COG7: variants seen among roughly 807,000 people sequenced by gnomAD.
COG7 encodes conserved oligomeric Golgi complex subunit 7.
COG7 carries 49 observed loss-of-function variants against 91.5 expected under a neutral mutation model. The ratio of observed to expected loss-of-function variants is 0.54; its 90% CI spans 0.43 to 0.68. COG7 has a LOEUF of 0.68. Among genes scored for constraint, COG7 ranks in the 30% least tolerant of loss-of-function variants. The pLI, the probability that COG7 is intolerant of heterozygous loss-of-function variation, is 0.00. For missense variants in COG7, 895 were observed against 961.3 expected (o/e 0.93, Z 0.91); for synonymous variants, 365 against 388.7 (o/e 0.94, Z 0.72).
At chr16:23,438,642 GA>G (rs1245065592) in intron 4 of COG7, among the ~76,000 whole-genome samples, 3 of 151,536 alleles carry the variant, frequency 2.0e-5, no homozygotes, top group Non-Finnish European at 4.4e-5. Context: ...ATAAGCAAAT[GA>G]AAATACACTC....
intron 11 of COG7, among the ~76,000 whole-genome samples, chr16:23,408,137 G>A (rs1194257222): frequency 5.6e-4 from 12 of 21,298 alleles, no homozygotes; most frequent in Non-Finnish European, 9.0e-4. Flanking sequence ...GAGTGGGGCG[G>A]GAGGCAGGGG....
chr16:23,446,104 T>G, intron 1 of COG7, 143 bp from the exon 2 acceptor site: 1 of 978,480 alleles, frequency 1.0e-6, no homozygotes, highest in Non-Finnish European at 1.5e-6. Context: ...TTTTGGAGCC[T>G]GCAGAAAATA....
At chr16:23,414,311 G>C (rs1596926966) in intron 9 of COG7, 1 of 152,246 alleles carries the variant, frequency 6.6e-6, no homozygotes, top group African/African-American at 2.4e-5. Context: ...CTGGGCAACA[G>C]AGTGAGATCC....
At chr16:23,424,643 T>C in intron 7 of COG7, 106 bp downstream of exon 7, 2 of 1,199,988 alleles carry the variant, frequency 1.7e-6, no homozygotes, top group Non-Finnish European at 2.5e-6. Flanking sequence ...ATCCCTTCCA[T>C]TTCTGTAAAA....
rs1964235528 is a variant in COG7 at position 23,449,612 on chromosome 16, ATG to A, written c.169+3212_169+3213del. On this transcript the variant is annotated intron_variant, in intron 1 of 16. Transcript: ENST00000307149. ...CAAAATTAGCCAGGCATGGTGGCGC[ATG>A]CCTATACACCCAGCTACTCGGGAGG... Among the ~76,000 whole-genome samples the A allele has an allele frequency of 2.7e-5, 4 of 148,796 alleles. No homozygotes were observed. The South Asian group carries it at 6.4e-4, about 24-fold the overall frequency.
At chr16:23,452,627 A>G in intron 1 of COG7, 199 bp downstream of exon 1, 1 of 1,279,050 alleles carries the variant, frequency 7.8e-7, no homozygotes, top group Admixed American at 3.1e-5. Flanking sequence ...AACACCCAAA[A>G]TTAGCAAGTG....
chr16:23,442,614 C>T lies in COG7; in HGVS notation c.467G>A (p.Gly156Asp). ...AAGCATCATTAAGCTGTTCTGCATA[C>T]CTGTTAGCTTGGCAGAAATCACAGC... ...DIAVISAKLT[G>D]MQNSLMMLVD... is the part of the protein sequence containing the mutation. Residue 156 changes from glycine to aspartate, a missense_variant, in exon 4 of 17, where the codon GGT becomes GAT. Transcript: ENST00000307149. The T allele has an allele frequency of 1.2e-6, 2 of 1,614,034 alleles. No individual in the cohort carries two copies. The highest frequency in any genetic ancestry group is 1.7e-6 in the Non-Finnish European group (2 of 1,179,902).
chr16:23,418,441 G>A (rs1429749167), intron 8 of COG7, among the ~76,000 whole-genome samples: 2 of 152,150 alleles, frequency 1.3e-5, no homozygotes, highest in East Asian at 3.9e-4. Context: ...GGAGATCAAG[G>A]CTGCAGTGAG....
intron 15 of COG7, among the ~76,000 whole-genome samples, 169 bp from the exon 16 acceptor site, chr16:23,392,692 G>A (rs1212336701): frequency 2.6e-5 from 4 of 152,142 alleles, no homozygotes; most frequent in Non-Finnish European, 4.4e-5. Flanking sequence ...CACTTTAGGA[G>A]GATGAGGCAG....
chr16:23,416,849 G>A (rs918026874), intron 9 of COG7, 118 bp downstream of exon 9: 8 of 1,140,006 alleles, frequency 7.0e-6, no homozygotes, highest in African/African-American at 3.1e-5. Flanking sequence ...ACATCCTCTT[G>A]GGTTCAGGTG....
At position 23,416,932 on chromosome 16, in the gene COG7, T is replaced by C. The variant is rs1596929557; in HGVS notation, c.1292+35A>G. 2.5e-6 allele frequency: 4 copies of C among 1,614,006 alleles called. No homozygotes were observed. In the East Asian group the frequency reaches 6.7e-5, roughly 27 times the overall value. On this transcript the variant is annotated intron_variant, in intron 9 of 16. Coordinates refer to ENST00000307149, the MANE Select transcript of COG7 (RefSeq NM_153603.4). ...TTATCTGGGACAGACACTGCTCCAA[T>C]GTGGCCCGTCTGGTCCCCAGTTCCC...
intron 4 of COG7, among the ~76,000 whole-genome samples, chr16:23,440,765 A>G (rs1307820188): frequency 1.3e-5 from 2 of 152,090 alleles, no homozygotes; most frequent in African/African-American, 4.8e-5. Flanking sequence ...CCGAGAACAG[A>G]TACTTTATTT....
In COG7 at chr16:23,395,974, G is replaced by C. The variant is rs112040787; in HGVS notation, c.1887+2072C>G. 9.7e-3 allele frequency among the ~76,000 whole-genome samples: 1,483 copies of C among 152,338 alleles called. 26 individuals carry two copies. Among genetic ancestry groups the C allele is most frequent in the African/African-American group, 0.033 (1,390 of 41,580 alleles). On this transcript the variant is annotated intron_variant, in intron 14 of 16. Transcript: ENST00000307149. ...ACTTCAAAAGGTTGTGGTGAGGGTA[G>C]AATTAATACGTGTGCTATGCACGTA...
In COG7 at chr16:23,442,575, T is replaced by G; in HGVS notation, c.506A>C (p.Asp169Ala). 6.2e-7 allele frequency: 1 copy of G among 1,614,086 alleles called. No individual in the cohort carries two copies. Among genetic ancestry groups the G allele is most frequent in the South Asian group, 1.1e-5 (1 of 91,078 alleles). Reference sequence around the variant, plus strand: ...CAAGTGCACACACTTTTCTGAGTAGTCTGGTGTATCAACAAGCATCATTAA... The same window carrying G: ...CAAGTGCACACACTTTTCTGAGTAGGCTGGTGTATCAACAAGCATCATTAA... Reference protein sequence around the residue: ...NSLMMLVDTPDYSEKCVHLEA... With the variant: ...NSLMMLVDTPAYSEKCVHLEA... The change falls in exon 4 of 17, where the codon GAC becomes GCC. Residue 169 changes from aspartate to alanine, a missense_variant. Physicochemically the swap from Asp to Ala is moderately radical, Grantham distance 126. Coordinates refer to ENST00000307149, the MANE Select transcript of COG7 (RefSeq NM_153603.4).
intron 1 of COG7, among the ~76,000 whole-genome samples, chr16:23,449,608 G>A (rs1479068661): frequency 1.3e-5 from 2 of 151,022 alleles, no homozygotes; most frequent in Non-Finnish European, 2.9e-5. Context: ...AGGCATGGTG[G>A]CGCATGCCTA....
intron 14 of COG7, among the ~76,000 whole-genome samples, chr16:23,396,629 A>G (rs962933894): frequency 6.6e-6 from 1 of 152,138 alleles, no homozygotes; most frequent in Non-Finnish European, 1.5e-5. Flanking sequence ...CAGTGGGCCA[A>G]GATCGCGCCA....
chr16:23,432,649 G>C (rs147643717), intron 6 of COG7, among the ~76,000 whole-genome samples: 1 of 152,118 alleles, frequency 6.6e-6, no homozygotes, highest in Non-Finnish European at 1.5e-5. Context: ...AGAGAACAAC[G>C]GTTTAAAACC....
intron 6 of COG7, among the ~76,000 whole-genome samples, chr16:23,425,467 T>C (rs1963831270): frequency 1.3e-5 from 2 of 152,068 alleles, no homozygotes; most frequent in African/African-American, 4.8e-5. Context: ...AAGTAGCTGA[T>C]ACTACAGGAA....
chr16:23,398,203 C>T (rs1461015603), intron 13 of COG7, 74 bp from the exon 14 acceptor site: 5 of 1,208,194 alleles, frequency 4.1e-6, no homozygotes. Flanking sequence ...CAGAAATACA[C>T]AAGAAGAACA....
Sources: allele counts gnomAD v4.1 joint callset (sites outside exome capture counted in the v4.1 genomes callset), GRCh38; gene constraint gnomAD v4.1.1; transcripts MANE v1.5; gene names NCBI Gene and HGNC (gene_info 2026-07-23, HGNC 2026-07-21).